The following MMADHC variants were observed in gnomAD, a reference collection of about 807,000 sequenced individuals.
MMADHC encodes cobalamin trafficking protein CblD.
MMADHC carries 23 observed loss-of-function variants against 36.3 expected under a neutral mutation model. That is an observed-to-expected ratio of 0.63 (90% CI 0.46 to 0.90). MMADHC has a LOEUF of 0.90. Among genes scored for constraint, MMADHC ranks in the 40% least tolerant of loss-of-function variants. The pLI is 0.00. For synonymous variants in MMADHC, 97 were observed against 116.1 expected (o/e 0.84, Z 1.06); for missense variants, 330 against 348.0 (o/e 0.95, Z 0.41).
chr2:149,584,694 T>C (rs552385818), intron 2 of MMADHC, among the ~76,000 whole-genome samples: 2 of 152,292 alleles, frequency 1.3e-5, no homozygotes, highest in South Asian at 4.1e-4. Context: ...AATTGCCCAC[T>C]GAAAGCGACA....
rs548857188 is a variant in MMADHC, at chr2:149,574,863, C to T, written c.609+848G>A. Among the ~76,000 whole-genome samples, 3 of 152,260 alleles carry T rather than the reference C, an allele frequency of 2.0e-5. No homozygotes were observed. In the East Asian group the frequency reaches 5.8e-4, roughly 29 times the overall value. On this transcript the variant is annotated intron_variant, in intron 6 of 7. Transcript: ENST00000303319. ...TCGCTCAGGCTGAAGGGCAGTAGCA[C>T]CATCAAGGCTCACTACAGCCTCGAC...
At chr2:149,578,981 G>A (rs1573878411) in intron 4 of MMADHC, among the ~76,000 whole-genome samples, 1 of 146,074 alleles carries the variant, frequency 6.8e-6, no homozygotes, top group Non-Finnish European at 1.5e-5. Flanking sequence ...TTATGAAACT[G>A]GTTCCTTTTT....
Position 149,587,087 on chromosome 2 carries a change from A to C in MMADHC, c.9+2T>G. ...CTGATTCTTAAGAGATAATTTACTC[A>C]CATTGGCCATCTCCGCTGGAGAAGA... On this transcript the variant is annotated splice_donor_variant, in intron 2 of 7. Coordinates refer to ENST00000303319, the MANE Select transcript of MMADHC (RefSeq NM_015702.3). LOFTEE classifies it high-confidence loss of function. 5.0e-6 allele frequency: 8 copies of C among 1,613,936 alleles called. No homozygotes were observed. The highest frequency in any genetic ancestry group is 6.8e-6 in the Non-Finnish European group (8 of 1,179,776).
Position 149,571,069 on chromosome 2 carries a change from A to T in MMADHC, c.696+16T>A, listed in dbSNP as rs1558844960. 1 of 1,566,664 alleles carries T rather than the reference A, an allele frequency of 6.4e-7. No individual in the cohort carries two copies. The highest frequency in any genetic ancestry group is 1.4e-5 in the African/African-American group (1 of 73,894). On this transcript the variant is annotated intron_variant, in intron 7 of 7. Transcript: ENST00000303319. Reference sequence around the variant, plus strand: ...TCTACTTCATATAATCTGATTTTCAAATGATAATTACTCACTGCCAAACCA... The same window carrying T: ...TCTACTTCATATAATCTGATTTTCATATGATAATTACTCACTGCCAAACCA...
chr2:149,586,808 C>T (rs1326716630), intron 2 of MMADHC: 3 of 454,362 alleles, frequency 6.6e-6, no homozygotes, highest in Non-Finnish European at 1.2e-5. Flanking sequence ...AACATAGATT[C>T]TAATATTTAC....
intron 6 of MMADHC, among the ~76,000 whole-genome samples, chr2:149,575,328 T>C (rs1010089289): frequency 6.6e-6 from 1 of 152,000 alleles, no homozygotes; most frequent in African/African-American, 2.4e-5. Flanking sequence ...ACTCTTTATT[T>C]TGACATGTTC....
Position 149,581,756 on chromosome 2 carries a change from G to C in MMADHC, c.154+371C>G, listed in dbSNP as rs146531203. ...CAGGTTAGAAGAAACAGACTTTGTAGAAAGCAGGTAAGTTCAATAAACACT... is the reference window on the plus strand; with the variant it reads ...CAGGTTAGAAGAAACAGACTTTGTACAAAGCAGGTAAGTTCAATAAACACT... On this transcript the variant is annotated intron_variant, in intron 3 of 7. Coordinates refer to ENST00000303319, the MANE Select transcript of MMADHC (RefSeq NM_015702.3). Among the ~76,000 whole-genome samples, 1,485 of 152,296 alleles carry C rather than the reference G, an allele frequency of 9.8e-3. 14 individuals are homozygous for C. The highest frequency in any genetic ancestry group is 0.013 in the Non-Finnish European group (898 of 68,020).
intron 2 of MMADHC, among the ~76,000 whole-genome samples, chr2:149,586,731 A>T (rs561221540): frequency 1.6e-4 from 24 of 152,110 alleles, no homozygotes; most frequent in African/African-American, 4.8e-4. Flanking sequence ...AAACTGTTTT[A>T]AAAAAAAGAA....
chr2:149,581,885 C>T (rs557407642), intron 3 of MMADHC, among the ~76,000 whole-genome samples: 1 of 152,230 alleles, frequency 6.6e-6, no homozygotes, highest in Admixed American at 6.5e-5. Context: ...TCAGGGAAGA[C>T]TCTATGTTTG....
At chr2:149,573,652 A>G (rs973649637) in intron 6 of MMADHC, among the ~76,000 whole-genome samples, 1 of 152,184 alleles carries the variant, frequency 6.6e-6, no homozygotes, top group African/African-American at 2.4e-5. Context: ...ATAATACTGT[A>G]TTCTTTAGAT....
chr2:149,575,898 T>C, intron 5 of MMADHC, 57 bp from the exon 6 acceptor site: 1 of 1,369,588 alleles, frequency 7.3e-7, no homozygotes, highest in East Asian at 2.4e-5. Flanking sequence ...AAAGAACAAA[T>C]TTTTAAAGAA....
At chr2:149,575,328 T>G (rs1010089289) in intron 6 of MMADHC, among the ~76,000 whole-genome samples, 1 of 152,000 alleles carries the variant, frequency 6.6e-6, no homozygotes, top group African/African-American at 2.4e-5. Flanking sequence ...ACTCTTTATT[T>G]TGACATGTTC....
At chr2:149,576,598 C>A (rs1682722654) in intron 4 of MMADHC, 56 bp from the exon 5 acceptor site, 2 of 1,210,448 alleles carry the variant, frequency 1.7e-6, no homozygotes, top group Non-Finnish European at 2.5e-6. Flanking sequence ...AAAACGGTAT[C>A]TTGCCTGTTA....
chr2:149,576,482 T>C lies in MMADHC; in HGVS notation c.433A>G (p.Arg145Gly). 1 of 1,613,712 alleles carries C rather than the reference T, an allele frequency of 6.2e-7. No homozygotes were observed. The highest frequency in any genetic ancestry group is 8.5e-7 in the Non-Finnish European group (1 of 1,179,680). ...NSAETYFESA[R>G]VECAIQTCPE... ...CATGTCTGTATTGCACACTCTACTC[T>C]GGCACTTTCAAAGTAAGTTTCTGCA... The change falls in exon 5 of 8, where the codon AGA becomes GGA. Residue 145 changes from arginine (R) to glycine (G), a missense_variant. Arg to Gly is a moderately radical substitution (Grantham distance 125). Coordinates refer to ENST00000303319, the MANE Select transcript of MMADHC (RefSeq NM_015702.3).
chr2:149,587,194 TAAC>T (rs1183459983), intron 1 of MMADHC, 45 bp from the exon 2 acceptor site: 10 of 1,208,948 alleles, frequency 8.3e-6, no homozygotes, highest in African/African-American at 1.5e-5. Context: ...GATTAAACTC[TAAC>T]AACAGACAAC....
At chr2:149,576,216 GA>G (rs1482320712) in intron 5 of MMADHC, among the ~76,000 whole-genome samples, 2 of 152,136 alleles carry the variant, frequency 1.3e-5, no homozygotes, top group Middle Eastern at 3.4e-3. Context: ...TTAGCCTTAG[GA>G]AAAAAGTTAT....
intron 4 of MMADHC, among the ~76,000 whole-genome samples, chr2:149,576,837 T>C (rs566879238): frequency 6.6e-6 from 1 of 152,318 alleles, no homozygotes; most frequent in African/African-American, 2.4e-5. Context: ...AATGCCATAA[T>C]GTGTCTCATA....
intron 6 of MMADHC, among the ~76,000 whole-genome samples, chr2:149,573,869 T>G (rs1050784926): frequency 3.8e-5 from 2 of 52,258 alleles, no homozygotes; most frequent in African/African-American, 6.6e-5. Context: ...GAATCTCAAA[T>G]TAAAACAAAA....
At chr2:149,584,620 G>C (rs1194753082) in intron 2 of MMADHC, among the ~76,000 whole-genome samples, 1 of 152,032 alleles carries the variant, frequency 6.6e-6, no homozygotes, top group African/African-American at 2.4e-5. Context: ...TATGAGTTTT[G>C]TTCCTAGCCT....
Sources: allele counts gnomAD v4.1 joint callset (sites outside exome capture counted in the v4.1 genomes callset), GRCh38; gene constraint gnomAD v4.1.1; transcripts MANE v1.5; gene names NCBI Gene and HGNC (gene_info 2026-07-23, HGNC 2026-07-21).